The following UGT2B11 variants were observed in gnomAD, a reference collection of about 807,000 sequenced individuals.
UGT2B11 encodes UDP-glucuronosyltransferase 2B11.
Under a neutral mutation model 51.7 loss-of-function variants are expected in UGT2B11, and 49 were observed. The observed-to-expected ratio is 0.95, with a 90% CI of 0.75 to 1.20. The LOEUF is 1.20. UGT2B11 is among the 50% of genes most tolerant of loss of function. The pLI, the probability that UGT2B11 is intolerant of heterozygous loss-of-function variation, is 0.00. For synonymous variants in UGT2B11, 273 were observed against 209.0 expected, an observed-to-expected ratio of 1.31 and a Z score of -2.64; for missense variants, 810 against 622.1, an observed-to-expected ratio of 1.30 and a Z score of -3.21.
Position 69,214,338 on chromosome 4 carries a change from C to A in UGT2B11, c.385G>T (p.Asp129Tyr), listed in dbSNP as rs536093538. 2.7e-5 allele frequency: 43 copies of A among 1,612,942 alleles called. No individual in the cohort carries two copies. The South Asian group carries it at 4.3e-4, about 16-fold the overall frequency. The stretch of plus-strand genomic sequence containing the variant: ...ATAACTTTCTTATTTGAAACTACAT[C>A]TTTACAGAAGTTTCTAAATATGTCA... Reference protein sequence around the residue: ...LYDIFRNFCKDVVSNKKVMKK... With the variant: ...LYDIFRNFCKYVVSNKKVMKK... Residue 129 changes from aspartate (D) to tyrosine (Y), a missense_variant, in exon 1 of 6, where the codon GAT becomes TAT. Physicochemically the swap from Asp to Tyr is radical, Grantham distance 160. Transcript: ENST00000446444.
intron 3 of UGT2B11, among the ~76,000 whole-genome samples, chr4:69,206,141 T>A (rs998377007): frequency 6.6e-6 from 1 of 151,412 alleles, no homozygotes; most frequent in Admixed American, 6.6e-5. Context: ...AGCAAAGGAC[T>A]ATAACTGGTT....
chr4:69,222,280 C>T, the UGT2B11 span, among the ~76,000 whole-genome samples: 1,146 of 152,332 alleles, frequency 7.5e-3, no homozygotes, highest in African/African-American at 0.026. Context: ...AATAAGTTGG[C>T]CTTCAACGGA....
At chr4:69,216,774 G>A (rs1349714587), upstream of UGT2B11, 11 of 152,028 alleles carry the variant, frequency 7.2e-5, no homozygotes, top group African/African-American at 2.7e-4. Context: ...ATGATTTTGT[G>A]TTTGCATGTG....
the UGT2B11 span, among the ~76,000 whole-genome samples, chr4:69,219,908 C>T: frequency 6.6e-6 from 1 of 152,152 alleles, no homozygotes; most frequent in East Asian, 1.9e-4. Context: ...CATTTCAAAA[C>T]CAATCCTGCA....
the UGT2B11 span, among the ~76,000 whole-genome samples, chr4:69,220,648 C>T: frequency 1.3e-5 from 2 of 151,274 alleles, no homozygotes; most frequent in Admixed American, 1.3e-4. Flanking sequence ...CACAGGCCTA[C>T]AAAAGGGAGG....
chr4:69,210,461 A>G (rs1459151183), intron 2 of UGT2B11, among the ~76,000 whole-genome samples: 1 of 151,652 alleles, frequency 6.6e-6, no homozygotes, highest in African/African-American at 2.4e-5. Flanking sequence ...GTTAGCAATT[A>G]TTTTACATAA....
chr4:69,218,507 GT>G (rs148607137), upstream of UGT2B11, among the ~76,000 whole-genome samples: 15,349 of 151,538 alleles, frequency 0.1, 938 homozygotes, highest in South Asian at 0.16. Flanking sequence ...AGAGGCAAAT[GT>G]TTTTTTCTTC....
rs778846723 is a variant in UGT2B11 at position 69,214,078 on chromosome 4, G to A, written c.645C>T (p.Ile215=). The part of the protein sequence containing the change: ...MTFMERVKNM[I]YVLYFDFWFQ... Reference sequence around the variant, plus strand: ...ACCAAAAGTCAAAATAAAGCACATAGATCATATTTTTTACCCTCTCCATGA... The same window carrying A: ...ACCAAAAGTCAAAATAAAGCACATAAATCATATTTTTTACCCTCTCCATGA... Residue 215 remains isoleucine, a synonymous_variant, in exon 1 of 6, where the codon ATC becomes ATT. Coordinates refer to ENST00000446444, the MANE Select transcript of UGT2B11 (RefSeq NM_001073.3). 5 of 1,610,934 alleles carry A rather than the reference G, an allele frequency of 3.1e-6. No individual in the cohort carries two copies. In the African/African-American group the frequency reaches 6.7e-5, roughly 22 times the overall value.
chr4:69,205,341 T>G (rs777331147), intron 4 of UGT2B11, 139 bp downstream of exon 4: 44 of 1,142,864 alleles, frequency 3.8e-5, no homozygotes, highest in Non-Finnish European at 5.2e-5. Context: ...TCTACCATAT[T>G]CTTTTCCCCT....
chr4:69,205,217 G>C (rs564192784), intron 4 of UGT2B11, among the ~76,000 whole-genome samples: 1 of 151,578 alleles, frequency 6.6e-6, no homozygotes, highest in Non-Finnish European at 1.5e-5. Flanking sequence ...GAGACAGAGA[G>C]ACAGCCCAGG....
At chr4:69,211,092 T>C (rs914411972) in intron 2 of UGT2B11, 3 of 151,554 alleles carry the variant, frequency 2.0e-5, no homozygotes, top group Non-Finnish European at 3.0e-5. Flanking sequence ...GACAAGTTCA[T>C]CCAGAAAGCT....
At chr4:69,216,120 G>A (rs1283768097), upstream of UGT2B11, 1 of 151,948 alleles carries the variant, frequency 6.6e-6, no homozygotes, top group African/African-American at 2.4e-5. Context: ...GATGATAGTA[G>A]ACCAAATGTA....
upstream of UGT2B11, chr4:69,215,226 A>G (rs1298563551): frequency 6.5e-6 from 1 of 152,674 alleles, no homozygotes; most frequent in East Asian, 1.9e-4. Flanking sequence ...CGTAACAATC[A>G]GTTTTATCTA....
At chr4:69,205,599 G>C in intron 3 of UGT2B11, 32 bp from the exon 4 acceptor site, 1 of 1,597,930 alleles carries the variant, frequency 6.3e-7, no homozygotes, top group Non-Finnish European at 8.5e-7. Context: ...CTTATTCCAT[G>C]AGTGGAACTC....
chr4:69,206,397 C>T (rs528247796), intron 3 of UGT2B11, among the ~76,000 whole-genome samples: 13 of 151,746 alleles, frequency 8.6e-5, no homozygotes, highest in Non-Finnish European at 1.5e-4. Context: ...GTGACATGTC[C>T]TCACTTATGA....
chr4:69,214,152 G>C lies in UGT2B11; in HGVS notation c.571C>G (p.Pro191Ala). The C allele has an allele frequency of 6.2e-7, 1 of 1,612,726 alleles. No homozygotes were observed. Among genetic ancestry groups the C allele is most frequent in the Non-Finnish European group, 8.5e-7 (1 of 1,179,250 alleles). The change falls in exon 1 of 6, where the codon CCT becomes GCT. Residue 191 changes from proline (P) to alanine (A), a missense_variant. By Grantham distance (27) the Pro-to-Ala change is conservative (BLOSUM62 -1). Coordinates refer to ENST00000446444, the MANE Select transcript of UGT2B11 (RefSeq NM_001073.3). ...ERHSGGLIFP[P>A]SYIPIVMSKL... ...GACATAACAATAGGTATGTAGGAAGGAGGGAAAATCAGTCCTCCACTGTGC... is the reference window on the plus strand; with the variant it reads ...GACATAACAATAGGTATGTAGGAAGCAGGGAAAATCAGTCCTCCACTGTGC...
In UGT2B11 at chr4:69,200,336, T is replaced by G; in HGVS notation, c.*104A>C. ...AATTTTTTTTTTTTTTTTTTTTTTG[T>G]CACAGGAAGAAAGAAATCTTGCATA... is the stretch of plus-strand genomic sequence containing the variant. On this transcript the variant is annotated 3_prime_UTR_variant, in exon 6 of 6. Transcript: ENST00000446444. 1 of 1,089,440 alleles carries G rather than the reference T, an allele frequency of 9.2e-7. No individual in the cohort carries two copies. Among genetic ancestry groups the G allele is most frequent in the Non-Finnish European group, 1.2e-6 (1 of 854,694 alleles). The allele number at this position is 1,089,440 out of a possible 1,614,324, so 67.5% of individuals were successfully genotyped here.
At chr4:69,208,262 C>T (rs950670856) in intron 3 of UGT2B11, 89 bp downstream of exon 3, 7 of 1,579,944 alleles carry the variant, frequency 4.4e-6, no homozygotes, top group Admixed American at 2.0e-5. Flanking sequence ...AAAGAGTTCA[C>T]TCTACTCTTA....
At chr4:69,217,353 A>T (rs1471274682), upstream of UGT2B11, among the ~76,000 whole-genome samples, 1 of 152,194 alleles carries the variant, frequency 6.6e-6, no homozygotes, top group East Asian at 1.9e-4. Flanking sequence ...TTAACCTGAA[A>T]TGAGATAAGT....
Sources: gnomAD v4.1 joint callset for allele counts (sites outside exome capture counted in the v4.1 genomes callset) on GRCh38, gnomAD v4.1.1 for gene constraint, MANE v1.5 for transcripts, NCBI Gene and HGNC (gene_info 2026-07-23, HGNC 2026-07-21) for gene names.